SCTR: variants seen among roughly 807,000 people sequenced by gnomAD.
SCTR encodes the protein secretin receptor, also known as pancreatic secretin receptor.
SCTR carries 56 observed loss-of-function variants against 60.8 expected under a neutral mutation model. That is an observed-to-expected ratio of 0.92 (90% CI 0.74 to 1.15). The LOEUF (loss-of-function observed/expected upper bound fraction) is 1.15, where lower values mean the gene tolerates loss of function less well. Ranked by LOEUF, SCTR falls within the 50% of genes most tolerant of loss-of-function variation. The pLI, the probability that SCTR is intolerant of heterozygous loss-of-function variation, is 0.00. For missense variants in SCTR, 562 were observed against 550.4 expected (o/e 1.02, Z -0.21); for synonymous variants, 202 against 217.0 (o/e 0.93, Z 0.61).
At chr2:119,486,302 C>T (rs74496130) in intron 2 of SCTR, 24,612 of 151,776 alleles carry the variant, frequency 0.16, 2,161 homozygotes, top group South Asian at 0.25. Flanking sequence ...AGAACCCTTC[C>T]AGCCCTGAGG....
Position 119,478,792 on chromosome 2 carries a change from C to T in SCTR, c.301+19G>A. 6.2e-7 allele frequency: 1 copy of T among 1,613,450 alleles called. No homozygotes were observed. The highest frequency in any genetic ancestry group is 8.5e-7 in the Non-Finnish European group (1 of 1,179,532). On this transcript the variant is annotated intron_variant, in intron 3 of 12. Coordinates refer to ENST00000019103, the MANE Select transcript of SCTR (RefSeq NM_002980.3). ...CACCCCTCAGCCTGTCCGCCAGGCC[C>T]CATGGGCCGAGTGGTTACCATTTCT...
chr2:119,510,739 A>G (rs767103453), intron 1 of SCTR, among the ~76,000 whole-genome samples: 10 of 147,704 alleles, frequency 6.8e-5, no homozygotes, highest in East Asian at 1.9e-4. Context: ...AAATTTTTAA[A>G]ATTGAGTTTG....
chr2:119,516,043 G>T (rs1036610891), intron 1 of SCTR, among the ~76,000 whole-genome samples: 2 of 152,198 alleles, frequency 1.3e-5, no homozygotes, highest in Non-Finnish European at 2.9e-5. Context: ...ACACCTGTTA[G>T]GGGGGCTAAT....
At position 119,522,703 on chromosome 2, in the gene SCTR, C is replaced by G. The variant is rs1423247855; in HGVS notation, c.72+1452G>C. Among the ~76,000 whole-genome samples, 4 of 152,170 alleles carry G rather than the reference C, an allele frequency of 2.6e-5. No homozygotes were observed. The East Asian group carries it at 7.7e-4, about 29-fold the overall frequency. Reference sequence around the variant, plus strand: ...AGTTACGACAGTCTCAGAGTCACTGCAAATACTTAAGAAGGAGGCTGGGAG... The same window carrying G: ...AGTTACGACAGTCTCAGAGTCACTGGAAATACTTAAGAAGGAGGCTGGGAG... On this transcript the variant is annotated intron_variant, in intron 1 of 12. Transcript: ENST00000019103.
chr2:119,465,732 C>T, intron 5 of SCTR, 57 bp downstream of exon 5: 1 of 1,220,686 alleles, frequency 8.2e-7, no homozygotes. Context: ...TGAGAAGAGA[C>T]CCAAAGTCTG....
At chr2:119,469,693 A>G (rs1250154401) in intron 4 of SCTR, among the ~76,000 whole-genome samples, 3 of 152,194 alleles carry the variant, frequency 2.0e-5, no homozygotes, top group African/African-American at 4.8e-5. Flanking sequence ...GGGTCTCCCT[A>G]TGTGGCCCAG....
intron 7 of SCTR, among the ~76,000 whole-genome samples, chr2:119,454,195 A>G (rs928315841): frequency 6.6e-6 from 1 of 152,174 alleles, no homozygotes; most frequent in African/African-American, 2.4e-5. Flanking sequence ...GAAGTGCCCA[A>G]GGATGCTCTA....
intron 7 of SCTR, among the ~76,000 whole-genome samples, chr2:119,460,705 G>A (rs769225303): frequency 8.5e-5 from 13 of 152,118 alleles, no homozygotes; most frequent in Non-Finnish European, 1.3e-4. Context: ...GTTGTTTGTC[G>A]TCTTCATTGA....
chr2:119,511,783 T>G (rs1678955194), intron 1 of SCTR, among the ~76,000 whole-genome samples: 1 of 152,178 alleles, frequency 6.6e-6, no homozygotes, highest in Admixed American at 6.5e-5. Context: ...AGTAACCTCC[T>G]AAGAAAAAGT....
chr2:119,519,828 G>GAAAAAAAAAAAAAAAAAAAAAAAAAA (rs1200116142), intron 1 of SCTR, among the ~76,000 whole-genome samples: 1 of 55,854 alleles, frequency 1.8e-5, no homozygotes, highest in Non-Finnish European at 3.6e-5. Context: ...AAAAAAAAAA[G>GAAAAAAAAAAAAAAAAAAAAAAAAAA]AAAAAAAGAA....
chr2:119,508,368 C>G (rs150838716), intron 1 of SCTR, among the ~76,000 whole-genome samples: 1,971 of 123,014 alleles, frequency 0.016, 23 homozygotes, highest in South Asian at 0.037. Flanking sequence ...CTTTCTTTTT[C>G]TTCTTCTTCT....
At chr2:119,498,739 G>A (rs1350040664) in intron 1 of SCTR, among the ~76,000 whole-genome samples, 4 of 151,920 alleles carry the variant, frequency 2.6e-5, no homozygotes, top group African/African-American at 9.7e-5. Flanking sequence ...ACACTCAAAA[G>A]CACTGTAGAT....
At chr2:119,470,740 G>A (rs139627832) in intron 4 of SCTR, among the ~76,000 whole-genome samples, 2,296 of 152,200 alleles carry the variant, frequency 0.015, 65 homozygotes, top group African/African-American at 0.051. Context: ...TCGCTCTGTC[G>A]CCCAGGCTGG....
intron 4 of SCTR, among the ~76,000 whole-genome samples, chr2:119,471,542 C>T (rs1369008048): frequency 6.6e-6 from 1 of 152,192 alleles, no homozygotes; most frequent in Non-Finnish European, 1.5e-5. Flanking sequence ...AAGGCTGATG[C>T]GCTACAGAGA....
intron 1 of SCTR, among the ~76,000 whole-genome samples, chr2:119,503,412 T>A (rs1678622749): frequency 6.6e-6 from 1 of 151,934 alleles, no homozygotes; most frequent in Non-Finnish European, 1.5e-5. Flanking sequence ...AAAAAAATTA[T>A]TTTAAAAATT....
intron 5 of SCTR, 46 bp downstream of exon 5, chr2:119,465,743 T>C: frequency 7.6e-7 from 1 of 1,313,498 alleles, no homozygotes; most frequent in Non-Finnish European, 1.1e-6. Context: ...CCAAAGTCTG[T>C]ACCTGAGGAG....
intron 2 of SCTR, among the ~76,000 whole-genome samples, chr2:119,491,695 G>C (rs1371727295): frequency 6.6e-6 from 1 of 152,060 alleles, no homozygotes; most frequent in Non-Finnish European, 1.5e-5. Context: ...ATTTTTAGTA[G>C]AGACAGGGTT....
intron 2 of SCTR, among the ~76,000 whole-genome samples, chr2:119,488,041 C>G (rs1403427516): frequency 6.6e-6 from 1 of 152,236 alleles, no homozygotes; most frequent in Non-Finnish European, 1.5e-5. Flanking sequence ...GCTCCACACT[C>G]CCAGATGGAG....
At chr2:119,454,178 C>T (rs529463654) in intron 7 of SCTR, among the ~76,000 whole-genome samples, 78 of 152,212 alleles carry the variant, frequency 5.1e-4, no homozygotes, top group Admixed American at 2.2e-3. Context: ...GGGGCAATGC[C>T]GCTGGGGAAG....
Sources: allele counts gnomAD v4.1 joint callset (sites outside exome capture counted in the v4.1 genomes callset), GRCh38; gene constraint gnomAD v4.1.1; transcripts MANE v1.5; gene names NCBI Gene and HGNC (gene_info 2026-07-23, HGNC 2026-07-21).